Variants in RNF121 observed in about 807,000 individuals in gnomAD.
RNF121 encodes ring finger protein 121.
Under a neutral mutation model 46.5 loss-of-function variants are expected in RNF121, and 21 were observed. The ratio of observed to expected loss-of-function variants is 0.45; its 90% confidence interval spans 0.32 to 0.65. RNF121 has a LOEUF of 0.65. RNF121 is among the 30% of genes least tolerant of loss of function. The pLI is 0.04. For missense variants in RNF121, 346 were observed against 416.0 expected, an observed-to-expected ratio of 0.83 and a Z score of 1.46; for synonymous variants, 139 against 144.7, an observed-to-expected ratio of 0.96 and a Z score of 0.28.
chr11:71,950,840 G>A (rs1417494584), intron 1 of RNF121, among the ~76,000 whole-genome samples: 1 of 152,058 alleles, frequency 6.6e-6, no homozygotes, highest in African/African-American at 2.4e-5. Flanking sequence ...GGAAACTATA[G>A]CAGTTTTGAA....
At chr11:71,985,133 C>A (rs1429982161) in intron 4 of RNF121, among the ~76,000 whole-genome samples, 1 of 152,046 alleles carries the variant, frequency 6.6e-6, no homozygotes, top group Non-Finnish European at 1.5e-5. Flanking sequence ...TACTGAGTTT[C>A]CTAGGCTGGT....
At chr11:71,988,281 G>A in intron 5 of RNF121, among the ~76,000 whole-genome samples, 1 of 152,188 alleles carries the variant, frequency 6.6e-6, no homozygotes, top group East Asian at 1.9e-4. Context: ...ACTGGAGCAT[G>A]CAGTGAGTCA....
intron 3 of RNF121, among the ~76,000 whole-genome samples, chr11:71,974,430 GTTC>G (rs1954486189): frequency 6.6e-6 from 1 of 152,176 alleles, no homozygotes; most frequent in Non-Finnish European, 1.5e-5. Flanking sequence ...GTAGACTTGA[GTTC>G]TTCTCATTTA....
intron 8 of RNF121, 70 bp downstream of exon 8, chr11:71,995,621 TTGGGTCCTCC>T: frequency 7.8e-7 from 1 of 1,277,670 alleles, no homozygotes; most frequent in Non-Finnish European, 1.1e-6. Flanking sequence ...TGACCTGCAT[TTGGGTCCTCC>T]TGGGGCCCTC....
At chr11:71,950,834 A>G (rs1049923412) in intron 1 of RNF121, among the ~76,000 whole-genome samples, 1 of 152,086 alleles carries the variant, frequency 6.6e-6, no homozygotes, top group African/African-American at 2.4e-5. Flanking sequence ...AACTAGGGAA[A>G]CTATAGCAGT....
Position 71,997,453 on chromosome 11 carries a change from T to C in RNF121, c.*1138T>C, listed in dbSNP as rs944530361. ...CTAGTCCTAGGCGACTTGAATAAAG[T>C]GGGAGGTCAAACATGGGCCTTCGGC... On this transcript the variant is annotated 3_prime_UTR_variant, in exon 9 of 9. Transcript: ENST00000361756. The C allele has an allele frequency of 6.6e-6, 1 of 152,178 alleles. No individual in the cohort carries two copies. The highest frequency in any genetic ancestry group is 6.5e-5 in the Admixed American group (1 of 15,286). 9.4% of individuals were successfully genotyped at this position (152,178 alleles called of 1,614,324 possible). A position where few individuals can be genotyped will look rare whatever the true frequency, so the allele number is the denominator to read the frequency against.
At chr11:71,948,911 G>C (rs998071157) in intron 1 of RNF121, among the ~76,000 whole-genome samples, 3 of 144,878 alleles carry the variant, frequency 2.1e-5, no homozygotes, top group African/African-American at 7.7e-5. Context: ...CCACCAGATA[G>C]AGACAGTTAG....
chr11:71,950,528 G>A (rs1565145422), intron 1 of RNF121, among the ~76,000 whole-genome samples: 1 of 151,548 alleles, frequency 6.6e-6, no homozygotes, highest in African/African-American at 2.4e-5. Context: ...AGGTTGCAGT[G>A]AACCGAGATC....
intron 6 of RNF121, among the ~76,000 whole-genome samples, chr11:71,991,968 A>G (rs967685600): frequency 6.6e-6 from 1 of 151,012 alleles, no homozygotes; most frequent in Non-Finnish European, 1.5e-5. Flanking sequence ...AAAAAAAAAA[A>G]CCTAGCCGGG....
chr11:71,985,517 G>T (rs1033059851), intron 4 of RNF121, among the ~76,000 whole-genome samples: 2 of 152,140 alleles, frequency 1.3e-5, no homozygotes, highest in Admixed American at 6.5e-5. Flanking sequence ...ATAGAGCTGT[G>T]TGTGTTCTTT....
intron 1 of RNF121, among the ~76,000 whole-genome samples, chr11:71,930,282 C>G (rs796481168): frequency 2.0e-5 from 3 of 152,038 alleles, no homozygotes; most frequent in Non-Finnish European, 2.9e-5. Context: ...TCTGAGGGGT[C>G]AGAATCTTAG....
intron 4 of RNF121, among the ~76,000 whole-genome samples, chr11:71,986,777 A>G (rs1022565345): frequency 8.6e-5 from 13 of 151,408 alleles, no homozygotes; most frequent in African/African-American, 3.2e-4. Context: ...CTCAAAAAAA[A>G]AAAAAAAAAA....
intron 4 of RNF121, among the ~76,000 whole-genome samples, chr11:71,984,682 G>A (rs926163002): frequency 2.8e-5 from 4 of 143,948 alleles, no homozygotes; most frequent in Admixed American, 7.0e-5. Flanking sequence ...AGGCTTAGGC[G>A]ATTCTCCTGG....
chr11:71,945,198 G>A (rs944051158), intron 1 of RNF121, among the ~76,000 whole-genome samples: 1 of 151,940 alleles, frequency 6.6e-6, no homozygotes, highest in African/African-American at 2.4e-5. Flanking sequence ...ATGTTACCCA[G>A]CTGGGTCTCC....
chr11:71,982,901 A>G lies in RNF121; in HGVS notation c.384A>G (p.Val128=), dbSNP rs142845451. The G allele has an allele frequency of 2.5e-6, 4 of 1,610,794 alleles. No homozygotes were observed. Among genetic ancestry groups the G allele is most frequent in the Non-Finnish European group, 2.5e-6 (3 of 1,178,652 alleles). ...TCCGAGCCACCCGAAAACCTCTAGT[A>G]CAGACAACCCCAAGGTGAGAGTTTA... The part of the protein sequence containing the change: ...VTFRATRKPL[V]QTTPRLVYKW... The change falls in exon 4 of 9, where the codon GTA becomes GTG. Residue 128 remains valine (V), a synonymous_variant. Coordinates refer to ENST00000361756, the MANE Select transcript of RNF121 (RefSeq NM_018320.5).
chr11:71,966,694 G>C (rs1954285141), intron 3 of RNF121, among the ~76,000 whole-genome samples: 1 of 151,646 alleles, frequency 6.6e-6, no homozygotes, highest in Non-Finnish European at 1.5e-5. Context: ...TCACTATATT[G>C]CCCAGGCTGG....
chr11:71,997,308 A>C lies in RNF121; in HGVS notation c.*993A>C, dbSNP rs1392511989. On this transcript the variant is annotated 3_prime_UTR_variant, in exon 9 of 9. Transcript: ENST00000361756. ...TCCTTGAAGCTGGCAGGGGATTCCC[A>C]GTCCAGGGAATATCCCTACATGATT... 6.6e-6 allele frequency: 1 copy of C among 152,182 alleles called. No homozygotes were observed. Among genetic ancestry groups the C allele is most frequent in the Non-Finnish European group, 1.5e-5 (1 of 68,038 alleles). 9.4% of individuals were successfully genotyped at this position (152,182 alleles called of 1,614,324 possible). A position where few individuals can be genotyped will look rare whatever the true frequency, so the allele number is the denominator to read the frequency against.
At chr11:71,971,801 G>A (rs1329119824) in intron 3 of RNF121, among the ~76,000 whole-genome samples, 1 of 152,234 alleles carries the variant, frequency 6.6e-6, no homozygotes, top group Non-Finnish European at 1.5e-5. Flanking sequence ...AGGATCAAAG[G>A]CTGTAGGAGC....
chr11:71,985,690 A>G (rs933944843), intron 4 of RNF121, among the ~76,000 whole-genome samples: 9 of 152,200 alleles, frequency 5.9e-5, no homozygotes, highest in African/African-American at 2.2e-4. Context: ...CAGGAACCAC[A>G]CAGGCTTGTG....
Sources: allele counts gnomAD v4.1 joint callset (sites outside exome capture counted in the v4.1 genomes callset), GRCh38; gene constraint gnomAD v4.1.1; transcripts MANE v1.5; gene names NCBI Gene and HGNC (gene_info 2026-07-23, HGNC 2026-07-21).